PDE4B: variants seen among roughly 807,000 people sequenced by gnomAD.
PDE4B encodes 3',5'-cyclic-AMP phosphodiesterase 4B.
Under a neutral mutation model 82.2 loss-of-function variants are expected in PDE4B, and 20 were observed. That is an observed-to-expected ratio of 0.24 (90% CI 0.17 to 0.35). PDE4B has a LOEUF of 0.35. PDE4B is among the 10% of genes least tolerant of loss of function. PDE4B has a pLI of 1.00. For missense variants in PDE4B, 655 were observed against 907.2 expected (o/e 0.72, Z 3.57); for synonymous variants, 320 against 318.9 (o/e 1.00, Z -0.04).
chr1:66,176,891 C>A (rs1321757122), intron 3 of PDE4B, among the ~76,000 whole-genome samples: 1 of 152,216 alleles, frequency 6.6e-6, no homozygotes, highest in African/African-American at 2.4e-5. Flanking sequence ...CTCTCTTTTG[C>A]TCTCTGGTCA....
intron 3 of PDE4B, among the ~76,000 whole-genome samples, chr1:66,165,753 A>G (rs901560899): frequency 2.0e-5 from 3 of 152,194 alleles, no homozygotes; most frequent in African/African-American, 7.2e-5. Context: ...GACCTAAATA[A>G]ATAGAAGAAC....
chr1:65,921,228 A>G (rs2100486168), intron 3 of PDE4B, among the ~76,000 whole-genome samples: 1 of 152,104 alleles, frequency 6.6e-6, no homozygotes. Context: ...TCGGCCTCCC[A>G]AAGTGCTGGG....
chr1:66,231,220 G>A (rs984053305), intron 3 of PDE4B, among the ~76,000 whole-genome samples: 1 of 152,064 alleles, frequency 6.6e-6, no homozygotes, highest in Non-Finnish European at 1.5e-5. Flanking sequence ...AATAAACTCA[G>A]CTAGACCATT....
In PDE4B at chr1:66,348,124, G is replaced by A. The variant is rs577822271; in HGVS notation, c.748-7403G>A. 2.0e-4 allele frequency among the ~76,000 whole-genome samples: 31 copies of A among 152,270 alleles called. No homozygotes were observed. In the South Asian group the frequency reaches 3.1e-3, roughly 15 times the overall value. ...TATAAGTTGTAGAGCTTCTAGCTGC[G>A]AAATGTTTCAAAATAAACCTTTGTC... On this transcript the variant is annotated intron_variant, in intron 8 of 16. Transcript: ENST00000341517.
In PDE4B at chr1:66,123,553, C is replaced by A. The variant is rs577810042; in HGVS notation, c.282-123907C>A. Reference sequence around the variant, plus strand: ...CCTTTTCTCCCTCTCTCCCTCCCTCCTTCCCTCCCTCTCTTATTCTTTTAT... The same window carrying A: ...CCTTTTCTCCCTCTCTCCCTCCCTCATTCCCTCCCTCTCTTATTCTTTTAT... On this transcript the variant is annotated intron_variant, in intron 3 of 16. Coordinates refer to ENST00000341517, the MANE Select transcript of PDE4B (RefSeq NM_002600.4). 2.5e-4 allele frequency among the ~76,000 whole-genome samples: 38 copies of A among 150,406 alleles called. 1 individual carries two copies. The East Asian group carries it at 6.6e-3, about 26-fold the overall frequency.
At chr1:66,170,858 A>G (rs985602923) in intron 3 of PDE4B, among the ~76,000 whole-genome samples, 1 of 152,164 alleles carries the variant, frequency 6.6e-6, no homozygotes, top group Non-Finnish European at 1.5e-5. Flanking sequence ...ACCCTTTTGT[A>G]ATATTATAGT....
chr1:66,028,312 G>A (rs925713228), intron 3 of PDE4B, among the ~76,000 whole-genome samples: 7 of 152,116 alleles, frequency 4.6e-5, no homozygotes, highest in Non-Finnish European at 1.0e-4. Context: ...TGGAGTGGCT[G>A]GGACACAGGG....
At chr1:66,344,368 A>C (rs1661233965) in intron 8 of PDE4B, among the ~76,000 whole-genome samples, 1 of 152,222 alleles carries the variant, frequency 6.6e-6, no homozygotes, top group South Asian at 2.1e-4. Context: ...AACATTTGCT[A>C]GTATTGTTTT....
At chr1:65,904,192 T>G (rs1030588442) in intron 1 of PDE4B, among the ~76,000 whole-genome samples, 6 of 152,166 alleles carry the variant, frequency 3.9e-5, no homozygotes, top group Non-Finnish European at 8.8e-5. Context: ...CTGTGTCCCA[T>G]ATACCCCATG....
At chr1:65,919,099 C>A (rs964756000) in intron 3 of PDE4B, among the ~76,000 whole-genome samples, 3 of 152,092 alleles carry the variant, frequency 2.0e-5, no homozygotes, top group Non-Finnish European at 2.9e-5. Flanking sequence ...AAAGGGATAA[C>A]AAAATTACTG....
chr1:66,063,369 A>G (rs190235755), intron 3 of PDE4B, among the ~76,000 whole-genome samples: 105 of 152,116 alleles, frequency 6.9e-4, no homozygotes, highest in African/African-American at 2.5e-3. Context: ...AGGGATTCTG[A>G]TATAATTTAT....
chr1:66,142,192 G>T (rs543047275), intron 3 of PDE4B, among the ~76,000 whole-genome samples: 18 of 152,126 alleles, frequency 1.2e-4, no homozygotes, highest in African/African-American at 4.3e-4. Context: ...GAAGAGGAAG[G>T]GGGTGGTCTT....
intron 1 of PDE4B, among the ~76,000 whole-genome samples, chr1:65,881,634 C>G (rs532975701): frequency 6.6e-6 from 1 of 152,150 alleles, no homozygotes; most frequent in African/African-American, 2.4e-5. Context: ...ATTGCCAATA[C>G]GACCCACAAT....
intron 3 of PDE4B, among the ~76,000 whole-genome samples, chr1:66,233,450 A>G (rs1652152206): frequency 6.6e-6 from 1 of 152,084 alleles, no homozygotes; most frequent in African/African-American, 2.4e-5. Flanking sequence ...TGCATAGACT[A>G]TTATATCATC....
chr1:66,289,353 T>C (rs928607016), intron 7 of PDE4B, among the ~76,000 whole-genome samples: 9 of 152,094 alleles, frequency 5.9e-5, no homozygotes, highest in African/African-American at 2.2e-4. Context: ...TAAATAGATT[T>C]TGATAAGTGC....
intron 3 of PDE4B, among the ~76,000 whole-genome samples, chr1:66,034,913 TG>T (rs1201281430): frequency 6.6e-6 from 1 of 152,162 alleles, no homozygotes; most frequent in Non-Finnish European, 1.5e-5. Flanking sequence ...GAGTCCTTGA[TG>T]GAAGTGTGGG....
chr1:66,222,504 C>T (rs561721617), intron 3 of PDE4B, among the ~76,000 whole-genome samples: 15 of 152,306 alleles, frequency 9.8e-5, no homozygotes, highest in African/African-American at 3.1e-4. Flanking sequence ...GTTCAGAGCA[C>T]CCATGCAGCC....
chr1:65,925,403 TATC>T (rs1420260384), intron 3 of PDE4B, among the ~76,000 whole-genome samples: 1 of 152,154 alleles, frequency 6.6e-6, no homozygotes, highest in Non-Finnish European at 1.5e-5. Flanking sequence ...AAAGTATACC[TATC>T]ATAAGAGGGC....
At chr1:65,871,673 T>C (rs1480186520) in intron 1 of PDE4B, among the ~76,000 whole-genome samples, 1 of 152,204 alleles carries the variant, frequency 6.6e-6, no homozygotes, top group Non-Finnish European at 1.5e-5. Context: ...AGGCACAAGT[T>C]GACACACAAC....
Sources: gnomAD v4.1 joint callset for allele counts (sites outside exome capture counted in the v4.1 genomes callset) on GRCh38, gnomAD v4.1.1 for gene constraint, MANE v1.5 for transcripts, NCBI Gene and HGNC (gene_info 2026-07-23, HGNC 2026-07-21) for gene names.